SLC2A9: variants seen among roughly 807,000 people sequenced by gnomAD.
SLC2A9 encodes solute carrier family 2 member 9.
SLC2A9 carries 39 observed loss-of-function variants against 50.6 expected under a neutral mutation model. That is an observed-to-expected ratio of 0.77 (90% confidence interval 0.60 to 1.01). The LOEUF is 1.01. SLC2A9 is among the 50% of genes least tolerant of loss of function. The pLI is 0.00. For synonymous variants in SLC2A9, 324 were observed against 276.9 expected (o/e 1.17, Z -1.69); for missense variants, 686 against 677.6 (o/e 1.01, Z -0.14).
At chr4:9,879,969 C>T in intron 10 of SLC2A9, 2 of 985,448 alleles carry the variant, frequency 2.0e-6, no homozygotes, top group African/African-American at 1.7e-5. Flanking sequence ...TTACATCGAC[C>T]TGTTCCTCAC....
At chr4:9,935,431 C>T (rs1353560275) in intron 6 of SLC2A9, among the ~76,000 whole-genome samples, 1 of 152,248 alleles carries the variant, frequency 6.6e-6, no homozygotes, top group Non-Finnish European at 1.5e-5. Context: ...CACCTGCTTC[C>T]AGGAGCCTTG....
intron 6 of SLC2A9, among the ~76,000 whole-genome samples, chr4:9,927,455 C>T (rs1284395180): frequency 6.6e-6 from 1 of 152,228 alleles, no homozygotes; most frequent in Non-Finnish European, 1.5e-5. Flanking sequence ...GATCGGGGGC[C>T]TGGGATGAGA....
chr4:9,784,630 C>T (rs1718980627), intron 3 of SLC2A9, among the ~76,000 whole-genome samples: 1 of 152,160 alleles, frequency 6.6e-6, no homozygotes, highest in South Asian at 2.1e-4. Flanking sequence ...GGTCGAGGTG[C>T]TCAATAGAAA....
intron 10 of SLC2A9, among the ~76,000 whole-genome samples, chr4:9,841,182 T>C (rs982163189): frequency 6.6e-6 from 1 of 152,228 alleles, no homozygotes; most frequent in African/African-American, 2.4e-5. Flanking sequence ...CCACTCTTCA[T>C]TTACTTCTTA....
intron 3 of SLC2A9, chr4:9,782,493 G>T (rs556526603): frequency 6.2e-7 from 1 of 1,613,942 alleles, no homozygotes; most frequent in East Asian, 2.2e-5. Flanking sequence ...ATGACTCAGC[G>T]CATGGCCTTG....
At chr4:10,026,385 T>C (rs922941193), upstream of SLC2A9, among the ~76,000 whole-genome samples, 13 of 152,180 alleles carry the variant, frequency 8.5e-5, no homozygotes, top group Non-Finnish European at 1.9e-4. Flanking sequence ...TGTGGAGAAA[T>C]TGGAACCCTT....
chr4:10,012,736 T>C (rs1453762630), intron 2 of SLC2A9, among the ~76,000 whole-genome samples: 1 of 151,960 alleles, frequency 6.6e-6, no homozygotes, highest in Non-Finnish European at 1.5e-5. Context: ...GCACAAAGGC[T>C]CTGAGGTTCC....
rs566496340 is a variant in SLC2A9, at chr4:9,851,060, T to C, written c.1292-16052A>G. Among the ~76,000 whole-genome samples, 6 of 151,844 alleles carry C rather than the reference T, an allele frequency of 4.0e-5. No individual in the cohort carries two copies. The East Asian group carries it at 9.8e-4, about 25-fold the overall frequency. ...AGGAACACCACCACCCAACTCCTGCTGGTGCCCCACCCCAGGCAATGCACG... is the reference window on the plus strand; with the variant it reads ...AGGAACACCACCACCCAACTCCTGCCGGTGCCCCACCCCAGGCAATGCACG... On this transcript the variant is annotated intron_variant, in intron 10 of 11. Coordinates refer to ENST00000264784, the MANE Select transcript of SLC2A9 (RefSeq NM_020041.3).
chr4:10,010,589 G>A (rs1183896875), intron 2 of SLC2A9, among the ~76,000 whole-genome samples: 1 of 152,170 alleles, frequency 6.6e-6, no homozygotes, highest in African/African-American at 2.4e-5. Context: ...CTGTGTGCGA[G>A]GTACTTTGAT....
chr4:10,000,147 G>T (rs560353526), intron 2 of SLC2A9, among the ~76,000 whole-genome samples: 2 of 152,130 alleles, frequency 1.3e-5, no homozygotes, highest in African/African-American at 4.8e-5. Context: ...CTCATAGCAC[G>T]GAGTGAGGAT....
At chr4:9,882,107 T>A (rs563237720) in intron 10 of SLC2A9, among the ~76,000 whole-genome samples, 4 of 152,248 alleles carry the variant, frequency 2.6e-5, no homozygotes, top group Non-Finnish European at 5.9e-5. Flanking sequence ...AAAATCAACA[T>A]GCTTTTAATT....
In SLC2A9 at chr4:9,782,906, A is replaced by G. The variant is rs759345301; in HGVS notation, n.386-2841T>C. 23 of 1,613,826 alleles carry G rather than the reference A, an allele frequency of 1.4e-5. No individual in the cohort carries two copies. Among genetic ancestry groups the G allele is most frequent in the Admixed American group, 3.3e-5 (2 of 60,004 alleles). ...GCGCGCTTCCATCAAGAAGGAGACC[A>G]AGGTTCTCAAGACCCTGTCGGTGAT... On this transcript the variant is annotated intron_variant and non_coding_transcript_variant, in intron 3 of 3. Coordinates refer to the SLC2A9 transcript ENST00000503803.
At chr4:9,980,256 A>G (rs1488917776) in intron 5 of SLC2A9, among the ~76,000 whole-genome samples, 2 of 152,238 alleles carry the variant, frequency 1.3e-5, no homozygotes, top group Admixed American at 6.5e-5. Context: ...AACAATGTGT[A>G]TGGCATAATT....
At chr4:9,844,181 G>A (rs1468653247) in intron 10 of SLC2A9, among the ~76,000 whole-genome samples, 369 of 77,092 alleles carry the variant, frequency 4.8e-3, no homozygotes, top group Non-Finnish European at 7.5e-3. Context: ...AAAAAAAAAA[G>A]TCCTTCTGAC....
chr4:9,845,271 C>A (rs1204009258), intron 10 of SLC2A9, among the ~76,000 whole-genome samples: 2 of 151,746 alleles, frequency 1.3e-5, no homozygotes, highest in Non-Finnish European at 2.9e-5. Flanking sequence ...CCTCGGCCCC[C>A]CAAAGTGCTG....
intron 2 of SLC2A9, among the ~76,000 whole-genome samples, chr4:10,004,644 T>G (rs1315257999): frequency 6.6e-6 from 1 of 152,196 alleles, no homozygotes; most frequent in South Asian, 2.1e-4. Flanking sequence ...GAATTTTCAC[T>G]GTGTTAAGCC....
chr4:10,021,128 A>T, intron 1 of SLC2A9, 152 bp downstream of exon 1: 1 of 776,048 alleles, frequency 1.3e-6, no homozygotes, highest in South Asian at 1.5e-5. Flanking sequence ...CAGATGGAGA[A>T]GTGCAACTCA....
chr4:9,994,564 C>CTTTTTT (rs35574155), intron 3 of SLC2A9, among the ~76,000 whole-genome samples: 17 of 131,830 alleles, frequency 1.3e-4, no homozygotes, highest in Non-Finnish European at 1.7e-4. Flanking sequence ...TTTCCTTTTC[C>CTTTTTT]TTTTTTTTTT....
intron 3 of SLC2A9, among the ~76,000 whole-genome samples, chr4:9,991,725 A>G (rs1757747232): frequency 6.6e-6 from 1 of 152,238 alleles, no homozygotes; most frequent in Non-Finnish European, 1.5e-5. Flanking sequence ...AAGAAGAGGA[A>G]GGGACACCAG....
Sources: allele counts gnomAD v4.1 joint callset (sites outside exome capture counted in the v4.1 genomes callset), GRCh38; gene constraint gnomAD v4.1.1; transcripts MANE v1.5; gene names NCBI Gene and HGNC (gene_info 2026-07-23, HGNC 2026-07-21).